Variants in RNF152 observed in about 807,000 individuals in gnomAD.
RNF152 encodes the protein ring finger protein 152, also known as E3 ubiquitin-protein ligase RNF152.
A neutral mutation model predicts 12.7 loss-of-function variants in RNF152; 11 were observed. The ratio of observed to expected loss-of-function variants is 0.86; its 90% CI spans 0.54 to 1.43. The LOEUF is 1.43. Among genes scored for constraint, RNF152 ranks in the 40% most tolerant of loss-of-function variants. The pLI is 0.00. For synonymous variants in RNF152, 113 were observed against 120.3 expected, an observed-to-expected ratio of 0.94 and a Z score of 0.40; for missense variants, 255 against 274.8, an observed-to-expected ratio of 0.93 and a Z score of 0.51.
intron 1 of RNF152, among the ~76,000 whole-genome samples, chr18:61,843,117 G>T (rs999547933): frequency 6.6e-6 from 1 of 152,214 alleles, no homozygotes; most frequent in Non-Finnish European, 1.5e-5. Flanking sequence ...TTGACAACCT[G>T]CTCTGTGGGA....
At chr18:61,863,469 T>C (rs911871142) in intron 1 of RNF152, among the ~76,000 whole-genome samples, 9 of 152,050 alleles carry the variant, frequency 5.9e-5, no homozygotes, top group Non-Finnish European at 1.3e-4. Flanking sequence ...CCCCTTGACT[T>C]TTTTCAGTTG....
At chr18:61,844,829 G>C (rs974243976) in intron 1 of RNF152, among the ~76,000 whole-genome samples, 1 of 151,960 alleles carries the variant, frequency 6.6e-6, no homozygotes, top group South Asian at 2.1e-4. Context: ...AGTTTTAAAA[G>C]GCTCTGATGA....
intron 1 of RNF152, among the ~76,000 whole-genome samples, chr18:61,839,054 CAAAAAAAA>C (rs35125130): frequency 7.8e-6 from 1 of 127,804 alleles, no homozygotes; most frequent in Non-Finnish European, 1.6e-5. Flanking sequence ...ACTCTGTGGC[CAAAAAAAA>C]AAAAAAAAAG....
chr18:61,830,260 A>C (rs1466661053), intron 1 of RNF152, among the ~76,000 whole-genome samples: 1 of 151,986 alleles, frequency 6.6e-6, no homozygotes, highest in Non-Finnish European at 1.5e-5. Flanking sequence ...TCCTCACCTC[A>C]AGTGATCCAC....
chr18:61,857,629 C>T (rs773372359), intron 1 of RNF152, among the ~76,000 whole-genome samples: 6 of 152,244 alleles, frequency 3.9e-5, no homozygotes, highest in East Asian at 1.9e-4. Context: ...CATGTTCTGA[C>T]GATACAGGGA....
intron 1 of RNF152, among the ~76,000 whole-genome samples, chr18:61,867,447 A>C (rs961202883): frequency 2.0e-5 from 3 of 151,844 alleles, no homozygotes; most frequent in African/African-American, 7.3e-5. Context: ...GTGAGACACC[A>C]TCTCAAAAAA....
At position 61,811,271 on chromosome 18, in the gene RNF152, G is replaced by A. The variant is rs1912968707; in HGVS notation, c.*4581C>T. The stretch of plus-strand genomic sequence containing the variant: ...AACTCTTAAAATCAAAATCTAGACT[G>A]GAATAAATACCAGATTATCAGTAAG... On this transcript the variant is annotated 3_prime_UTR_variant, in exon 2 of 2. Coordinates refer to ENST00000312828, the MANE Select transcript of RNF152 (RefSeq NM_173557.3). The A allele has an allele frequency of 1.3e-5, 2 of 152,108 alleles. No individual in the cohort carries two copies. Among genetic ancestry groups the A allele is most frequent in the African/African-American group, 4.8e-5 (2 of 41,418 alleles). 9.4% of individuals were successfully genotyped at this position (152,108 alleles called of 1,614,324 possible). A position where few individuals can be genotyped will look rare whatever the true frequency, so the allele number is the denominator to read the frequency against.
chr18:61,872,883 T>C (rs1482797627), intron 1 of RNF152, among the ~76,000 whole-genome samples: 1 of 152,228 alleles, frequency 6.6e-6, no homozygotes, highest in African/African-American at 2.4e-5. Context: ...TTTAATGCCA[T>C]GCTCATTTTT....
At chr18:61,868,645 G>C (rs1237424180) in intron 1 of RNF152, among the ~76,000 whole-genome samples, 2 of 152,128 alleles carry the variant, frequency 1.3e-5, no homozygotes, top group Admixed American at 1.3e-4. Flanking sequence ...AGAGGTTGCA[G>C]TGAGCCAAGA....
In RNF152 at chr18:61,815,587, C is replaced by T. The variant is rs1000933840; in HGVS notation, c.*265G>A. ...CATGATTTTGAAAAATCATAAATTA[C>T]AGTCCATTGAATACATGATTATGAG... On this transcript the variant is annotated 3_prime_UTR_variant, in exon 2 of 2. Transcript: ENST00000312828. 1.4e-4 allele frequency: 59 copies of T among 432,444 alleles called. No homozygotes were observed. The highest frequency in any genetic ancestry group is 1.8e-4 in the Non-Finnish European group (43 of 240,320). 26.8% of individuals were successfully genotyped at this position (432,444 alleles called of 1,614,324 possible). A position where few individuals can be genotyped will look rare whatever the true frequency, so the allele number is the denominator to read the frequency against.
intron 1 of RNF152, among the ~76,000 whole-genome samples, chr18:61,840,238 C>T (rs1910391224): frequency 6.6e-6 from 1 of 152,198 alleles, no homozygotes; most frequent in Non-Finnish European, 1.5e-5. Flanking sequence ...ATTTCCCAGC[C>T]CCCAGAACTG....
intron 1 of RNF152, among the ~76,000 whole-genome samples, chr18:61,884,487 A>G (rs1194975244): frequency 1.3e-5 from 2 of 152,124 alleles, no homozygotes; most frequent in Non-Finnish European, 2.9e-5. Flanking sequence ...TATGAGTTAA[A>G]TACCTACAGG....
intron 1 of RNF152, among the ~76,000 whole-genome samples, chr18:61,851,885 C>T (rs1910997300): frequency 6.6e-6 from 1 of 152,208 alleles, no homozygotes; most frequent in Non-Finnish European, 1.5e-5. Flanking sequence ...TTTCTATCAT[C>T]TTTCTAACCT....
chr18:61,835,925 T>C (rs1406246779), intron 1 of RNF152, among the ~76,000 whole-genome samples: 2 of 152,160 alleles, frequency 1.3e-5, no homozygotes, highest in East Asian at 1.9e-4. Context: ...TTTCTCACTG[T>C]GGAAGGAGAG....
At chr18:61,824,359 T>C (rs1909560732) in intron 1 of RNF152, among the ~76,000 whole-genome samples, 1 of 152,232 alleles carries the variant, frequency 6.6e-6, no homozygotes, top group South Asian at 2.1e-4. Flanking sequence ...ATGACCTAAA[T>C]AATTGCTGAA....
intron 1 of RNF152, among the ~76,000 whole-genome samples, chr18:61,826,277 G>C (rs990729768): frequency 2.0e-5 from 3 of 152,128 alleles, no homozygotes; most frequent in African/African-American, 7.2e-5. Flanking sequence ...TTTAGAGCAG[G>C]TCTATTTCCA....
At chr18:61,878,112 A>G (rs1912295454) in intron 1 of RNF152, among the ~76,000 whole-genome samples, 1 of 152,216 alleles carries the variant, frequency 6.6e-6, no homozygotes, top group African/African-American at 2.4e-5. Flanking sequence ...TCTCATTTCC[A>G]TATACATCCC....
At chr18:61,845,816 G>A (rs1910717886) in intron 1 of RNF152, among the ~76,000 whole-genome samples, 1 of 152,000 alleles carries the variant, frequency 6.6e-6, no homozygotes. Context: ...GTTCAAAAAT[G>A]TAGTCAATGC....
chr18:61,885,985 C>CTTTTTTTTTTT (rs558169838), intron 1 of RNF152, among the ~76,000 whole-genome samples: 9 of 81,692 alleles, frequency 1.1e-4, no homozygotes, highest in African/African-American at 1.4e-4. Context: ...CTTTTGCTTT[C>CTTTTTTTTTTT]TTTTTTTTTT....
Sources: allele counts gnomAD v4.1 joint callset (sites outside exome capture counted in the v4.1 genomes callset), GRCh38; gene constraint gnomAD v4.1.1; transcripts MANE v1.5; gene names NCBI Gene and HGNC (gene_info 2026-07-23, HGNC 2026-07-21).